ZNF730: variants seen among roughly 807,000 people sequenced by gnomAD.
ZNF730 encodes zinc finger protein 730.
Under a neutral mutation model 12.6 loss-of-function variants are expected in ZNF730, and 12 were observed. That is an observed-to-expected ratio of 0.95 (90% CI 0.61 to 1.54). The LOEUF is 1.54. Ranked by LOEUF, ZNF730 falls within the 40% of genes most tolerant of loss-of-function variation. The pLI is 0.00. For synonymous variants in ZNF730, 194 were observed against 195.8 expected, an observed-to-expected ratio of 0.99 and a Z score of 0.08; for missense variants, 643 against 583.5, an observed-to-expected ratio of 1.10 and a Z score of -1.05.
At position 23,085,836 on chromosome 19, in the gene ZNF730, C is replaced by CTTTTTTTTTTTTTTTTTTTTTTTT. The variant is rs556123915; in HGVS notation, c.-94+10453_-94+10476dup. Among the ~76,000 whole-genome samples the CTTTTTTTTTTTTTTTTTTTTTTTT allele has an allele frequency of 6.9e-4, 38 of 54,856 alleles. 6 individuals are homozygous for CTTTTTTTTTTTTTTTTTTTTTTTT. The highest frequency in any genetic ancestry group is 1.3e-3 in the African/African-American group (16 of 12,034). 36.0% of individuals were successfully genotyped at this position (54,856 alleles called of 152,430 possible). ...GACCTATTTCACCCAATTTTTTTTT[C>CTTTTTTTTTTTTTTTTTTTTTTTT]TTTTTTTTTTTTTTTTTTTTTTTTT... On this transcript the variant is annotated intron_variant, in intron 1 of 2. Coordinates refer to the ZNF730 transcript ENST00000593635.
intron 1 of ZNF730, among the ~76,000 whole-genome samples, chr19:23,097,239 T>C (rs765691953): frequency 6.6e-6 from 1 of 152,154 alleles, no homozygotes; most frequent in Non-Finnish European, 1.5e-5. Flanking sequence ...TCAGAAGGCA[T>C]TGTGACACAT....
In ZNF730 at chr19:23,085,557, G is replaced by A. The variant is rs139037133; in HGVS notation, c.-94+10170G>A. On this transcript the variant is annotated intron_variant, in intron 1 of 2. Coordinates refer to the ZNF730 transcript ENST00000593635. Reference sequence around the variant, plus strand: ...ATAGACAGAGTCTTGCTCTGTCACCGAGGCTGGAGTGCGGTGGCATGATCT... The same window carrying A: ...ATAGACAGAGTCTTGCTCTGTCACCAAGGCTGGAGTGCGGTGGCATGATCT... Among the ~76,000 whole-genome samples, 550 of 130,204 alleles carry A rather than the reference G, an allele frequency of 4.2e-3. 3 individuals are homozygous for A. The highest frequency in any genetic ancestry group is 0.015 in the African/African-American group (512 of 34,678). 85.4% of individuals were successfully genotyped at this position (130,204 alleles called of 152,430 possible).
rs915826269 is a variant in ZNF730 at position 23,146,624 on chromosome 19, C to A, written c.*68C>A. On this transcript the variant is annotated 3_prime_UTR_variant, in exon 4 of 4. Coordinates refer to ENST00000597761, the MANE Select transcript of ZNF730 (RefSeq NM_001277403.2). Reference sequence around the variant, plus strand: ...CTTACTACACATAAGATAATTCATACTGAAGAGAAACCCTACAAATGTGAA... The same window carrying A: ...CTTACTACACATAAGATAATTCATAATGAAGAGAAACCCTACAAATGTGAA... 6.9e-5 allele frequency: 109 copies of A among 1,578,206 alleles called. No homozygotes were observed. Among genetic ancestry groups the A allele is most frequent in the Admixed American group, 1.3e-4 (8 of 59,850 alleles).
chr19:23,098,395 C>T (rs980409435), intron 1 of ZNF730: 1 of 152,148 alleles, frequency 6.6e-6, no homozygotes, highest in Non-Finnish European at 1.5e-5. Flanking sequence ...TGTGACATAT[C>T]ACTGGAACCA....
chr19:23,110,528 G>A (rs1450433828), intron 1 of ZNF730, among the ~76,000 whole-genome samples: 1 of 150,304 alleles, frequency 6.7e-6, no homozygotes, highest in Non-Finnish European at 1.5e-5. Context: ...TGATCCACCC[G>A]CCTTGGCCTC....
chr19:23,146,908 G>T lies in ZNF730; in HGVS notation c.*352G>T. ...CTACAAACCTGAAAGTTTTAACAGT[G>T]CTTTTGACAACACCTCAAACTTTTC... On this transcript the variant is annotated 3_prime_UTR_variant, in exon 4 of 4. Coordinates refer to ENST00000597761, the MANE Select transcript of ZNF730 (RefSeq NM_001277403.2). The T allele has an allele frequency of 2.0e-6, 1 of 504,122 alleles. No homozygotes were observed. Among genetic ancestry groups the T allele is most frequent in the African/African-American group, 1.9e-5 (1 of 52,124 alleles). 31.2% of individuals were successfully genotyped at this position (504,122 alleles called of 1,614,324 possible). A position where few individuals can be genotyped will look rare whatever the true frequency, so the allele number is the denominator to read the frequency against.
At chr19:23,139,210 C>T (rs968536977) in intron 3 of ZNF730, among the ~76,000 whole-genome samples, 10 of 152,074 alleles carry the variant, frequency 6.6e-5, no homozygotes, top group African/African-American at 2.4e-4. Flanking sequence ...ATCAGAGATC[C>T]TAACTATATT....
At chr19:23,135,868 T>C (rs772100624) in intron 2 of ZNF730, 80 bp from the exon 3 acceptor site, 55 of 1,308,248 alleles carry the variant, frequency 4.2e-5, no homozygotes, top group Admixed American at 2.1e-5. Context: ...AATATTCCAT[T>C]ACATTCTCTT....
intron 1 of ZNF730, among the ~76,000 whole-genome samples, chr19:23,107,079 T>G (rs1287567094): frequency 1.3e-5 from 2 of 151,204 alleles, no homozygotes; most frequent in African/African-American, 2.4e-5. Context: ...TTTTGTTTTT[T>G]TTTTTTTGAG....
chr19:23,142,919 G>C (rs532276567), intron 3 of ZNF730, among the ~76,000 whole-genome samples: 24 of 151,496 alleles, frequency 1.6e-4, no homozygotes, highest in African/African-American at 5.6e-4. Flanking sequence ...TTTTCTTTGT[G>C]GTACCTTGGG....
intron 1 of ZNF730, among the ~76,000 whole-genome samples, chr19:23,108,487 G>A (rs73029445): frequency 1.1e-4 from 15 of 142,208 alleles, no homozygotes; most frequent in African/African-American, 2.9e-4. Context: ...GAAAAGCAGC[G>A]CTGCCATTGT....
In ZNF730 at chr19:23,101,608, G is replaced by A. The variant is rs1437310000; in HGVS notation, c.-94+26221G>A. Among the ~76,000 whole-genome samples the A allele has an allele frequency of 2.6e-5, 4 of 152,046 alleles. No homozygotes were observed. In the East Asian group the frequency reaches 5.8e-4, roughly 22 times the overall value. On this transcript the variant is annotated intron_variant, in intron 1 of 2. Coordinates refer to the ZNF730 transcript ENST00000593635. Reference sequence around the variant, plus strand: ...CCCACAGATGAGATTGTGACATATCGCTTGACTCTGCACCTTGATGGTGCA... The same window carrying A: ...CCCACAGATGAGATTGTGACATATCACTTGACTCTGCACCTTGATGGTGCA...
chr19:23,117,294 T>C, intron 1 of ZNF730, 118 bp downstream of exon 1: 1 of 1,577,174 alleles, frequency 6.3e-7, no homozygotes, highest in Admixed American at 1.7e-5. Flanking sequence ...GCGCCCAGAG[T>C]TCTTGCCCAG....
intron 1 of ZNF730, among the ~76,000 whole-genome samples, chr19:23,087,911 C>A (rs1319239271): frequency 2.0e-5 from 3 of 152,046 alleles, no homozygotes; most frequent in Non-Finnish European, 4.4e-5. Context: ...CCACACTCAG[C>A]CTAGATGCCC....
chr19:23,119,095 G>A (rs1970567663), intron 1 of ZNF730, among the ~76,000 whole-genome samples: 1 of 152,140 alleles, frequency 6.6e-6, no homozygotes, highest in African/African-American at 2.4e-5. Flanking sequence ...TGAATAGTGG[G>A]GGTGAGAGAA....
At chr19:23,107,133 G>T (rs1277419708) in intron 1 of ZNF730, among the ~76,000 whole-genome samples, 1 of 150,698 alleles carries the variant, frequency 6.6e-6, no homozygotes, top group Non-Finnish European at 1.5e-5. Context: ...TGCATTCCTG[G>T]CTCACTGAAG....
upstream of ZNF730, among the ~76,000 whole-genome samples, chr19:23,114,204 G>A (rs1481076725): frequency 6.6e-6 from 1 of 151,826 alleles, no homozygotes; most frequent in Non-Finnish European, 1.5e-5. Context: ...GTATTTCAGA[G>A]CCTACTTTGG....
intron 1 of ZNF730, chr19:23,100,420 A>G (rs922965805): frequency 4.6e-5 from 7 of 152,152 alleles, no homozygotes; most frequent in Admixed American, 3.9e-4. Context: ...TGACATATAT[A>G]AAGCCCTAGT....
At chr19:23,091,571 C>T (rs367957380) in intron 1 of ZNF730, among the ~76,000 whole-genome samples, 252 of 152,342 alleles carry the variant, frequency 1.7e-3, no homozygotes, top group African/African-American at 5.9e-3. Flanking sequence ...ATCATGGGAA[C>T]CCACCTTTTG....
Sources: allele counts gnomAD v4.1 joint callset (sites outside exome capture counted in the v4.1 genomes callset), GRCh38; gene constraint gnomAD v4.1.1; transcripts MANE v1.5; gene names NCBI Gene and HGNC (gene_info 2026-07-23, HGNC 2026-07-21).